Variants in MON2 observed in about 807,000 individuals in gnomAD.
The protein encoded by MON2 is protein MON2 homolog.
MON2 carries 84 observed loss-of-function variants against 208.6 expected under a neutral mutation model. That is an observed-to-expected ratio of 0.40 (90% CI 0.34 to 0.48). MON2 has a LOEUF of 0.48. Ranked by LOEUF, MON2 falls within the 20% of genes least tolerant of loss-of-function variation. The pLI is 0.59. For synonymous variants in MON2, 660 were observed against 694.0 expected (o/e 0.95, Z 0.77); for missense variants, 1,611 against 2,015.4 (o/e 0.80, Z 3.84).
intron 2 of MON2, among the ~76,000 whole-genome samples, chr12:62,490,925 A>C (rs1400978289): frequency 7.8e-6 from 1 of 128,120 alleles, no homozygotes; most frequent in African/African-American, 3.0e-5. Context: ...GACTCACCTT[A>C]TTTTGTTGAT....
Position 62,493,994 on chromosome 12 carries a change from A to G in MON2, c.255A>G (p.Leu85=). ...CCAAGGAACCGAAGATCACTCAGCT[A>G]TGTTTGGCTGCTATTCAGAGACTCA... is the stretch of plus-strand genomic sequence containing the variant. ...CGTKEPKITQ[L]CLAAIQRLMS... is the part of the protein sequence containing the mutation. The change falls in exon 3 of 35, where the codon CTA becomes CTG. Residue 85 remains leucine (L), a synonymous_variant. Transcript: ENST00000393630. The G allele has an allele frequency of 5.6e-6, 9 of 1,613,264 alleles. No individual in the cohort carries two copies. Among genetic ancestry groups the G allele is most frequent in the Middle Eastern group, 3.3e-4 (2 of 6,058 alleles).
intron 23 of MON2, among the ~76,000 whole-genome samples, chr12:62,551,210 C>G (rs766042354): frequency 1.3e-5 from 2 of 152,164 alleles, no homozygotes; most frequent in Non-Finnish European, 2.9e-5. Flanking sequence ...TTCGACATGC[C>G]TTCCTCACTA....
chr12:62,523,057 A>G (rs1449435348), intron 8 of MON2, among the ~76,000 whole-genome samples: 1 of 152,158 alleles, frequency 6.6e-6, no homozygotes, highest in East Asian at 1.9e-4. Context: ...TGAACCTTAA[A>G]TTCATTCACA....
intron 34 of MON2, among the ~76,000 whole-genome samples, chr12:62,591,009 A>C (rs1034565000): frequency 6.6e-6 from 1 of 152,242 alleles, no homozygotes; most frequent in African/African-American, 2.4e-5. Flanking sequence ...TTAAGATGTC[A>C]TCATAACATA....
chr12:62,539,768 G>C (rs1442552262), intron 19 of MON2, among the ~76,000 whole-genome samples: 2 of 151,970 alleles, frequency 1.3e-5, no homozygotes, highest in Non-Finnish European at 1.5e-5. Flanking sequence ...TGTAATCCCA[G>C]CACTGCAGGA....
At chr12:62,510,335 A>T (rs1465014706) in intron 8 of MON2, among the ~76,000 whole-genome samples, 1 of 151,060 alleles carries the variant, frequency 6.6e-6, no homozygotes, top group Non-Finnish European at 1.5e-5. Context: ...TACTACAAGG[A>T]AAAAAAAACA....
intron 8 of MON2, 171 bp downstream of exon 8, chr12:62,508,651 C>T: frequency 1.7e-6 from 1 of 591,132 alleles, no homozygotes; most frequent in Non-Finnish European, 3.0e-6. Flanking sequence ...TTTCTTGAAT[C>T]TTGCTTATGT....
rs557195051 is a variant in MON2, at chr12:62,503,944, T to C, written c.789+2246T>C. 7.9e-5 allele frequency among the ~76,000 whole-genome samples: 12 copies of C among 151,684 alleles called. 1 individual carries two copies. In the South Asian group the frequency reaches 2.1e-3, roughly 26 times the overall value. On this transcript the variant is annotated intron_variant, in intron 7 of 34. Transcript: ENST00000393630. ...TCTCTCTTTTTCTTTGTAGCACTTA[T>C]CACCTCCTGCCTGACACACACACAC...
intron 7 of MON2, among the ~76,000 whole-genome samples, chr12:62,504,230 T>TTTTTC: frequency 6.8e-6 from 1 of 147,174 alleles, no homozygotes; most frequent in East Asian, 2.0e-4. Flanking sequence ...TTTACAGATT[T>TTTTTC]TTTTCTTTTC....
chr12:62,506,836 G>A (rs1326940069), intron 7 of MON2, among the ~76,000 whole-genome samples: 1 of 152,084 alleles, frequency 6.6e-6, no homozygotes, highest in African/African-American at 2.4e-5. Context: ...AATGATTTTT[G>A]TGATATTTTC....
At chr12:62,550,909 C>CTT (rs869160726) in intron 23 of MON2, among the ~76,000 whole-genome samples, 37 of 43,802 alleles carry the variant, frequency 8.4e-4, no homozygotes, top group African/African-American at 1.5e-3. Flanking sequence ...TTCTTTCTTT[C>CTT]TTTTTTTTTT....
rs2073957033 is a variant in MON2 at position 62,556,105 on chromosome 12, G to A, written c.3322G>A (p.Glu1108Lys). ...ILIHHSRDTA[E>K]KQWAETWVLT... ...CATTCATCATTCAAGGGACACCGCCGAGAAGCAATGGGCTGAGACGTGGGT... is the reference window on the plus strand; with the variant it reads ...CATTCATCATTCAAGGGACACCGCCAAGAAGCAATGGGCTGAGACGTGGGT... The change falls in exon 25 of 35, where the codon GAG (glutamate) becomes AAG (lysine). Residue 1108 changes from glutamate (E) to lysine (K), a missense_variant. Transcript: ENST00000393630. 1.9e-6 allele frequency: 3 copies of A among 1,613,932 alleles called. No individual in the cohort carries two copies. The highest frequency in any genetic ancestry group is 2.2e-5 in the East Asian group (1 of 44,882).
chr12:62,488,420 G>A (rs1051620181), intron 2 of MON2, among the ~76,000 whole-genome samples: 2 of 152,078 alleles, frequency 1.3e-5, no homozygotes, highest in African/African-American at 2.4e-5. Flanking sequence ...TGGTGTATTC[G>A]GATACACTAT....
At chr12:62,513,475 C>G (rs1204489056) in intron 8 of MON2, among the ~76,000 whole-genome samples, 1 of 152,014 alleles carries the variant, frequency 6.6e-6, no homozygotes, top group Non-Finnish European at 1.5e-5. Context: ...ACCCACCCGC[C>G]TCGGCCTCCC....
chr12:62,592,552 C>T, intron 34 of MON2, 34 bp from the exon 35 acceptor site: 1 of 1,524,554 alleles, frequency 6.6e-7, no homozygotes, highest in Non-Finnish European at 8.9e-7. Flanking sequence ...TATTTAATTC[C>T]ACCCTTTTGA....
At chr12:62,577,317 A>G (rs1177688054) in intron 30 of MON2, among the ~76,000 whole-genome samples, 2 of 152,076 alleles carry the variant, frequency 1.3e-5, no homozygotes, top group African/African-American at 2.4e-5. Flanking sequence ...TCTATGAGAA[A>G]TGGACTGAGT....
chr12:62,540,392 T>A (rs2073181123), intron 19 of MON2, among the ~76,000 whole-genome samples: 1 of 152,202 alleles, frequency 6.6e-6, no homozygotes, highest in East Asian at 1.9e-4. Context: ...GGTATATGTT[T>A]CTATTAAGAT....
chr12:62,555,846 T>C (rs2073947202), intron 24 of MON2, 148 bp from the exon 25 acceptor site: 1 of 611,152 alleles, frequency 1.6e-6, no homozygotes, highest in Admixed American at 3.0e-5. Context: ...ATTACTCTAT[T>C]GGTCAGTTTC....
intron 29 of MON2, among the ~76,000 whole-genome samples, chr12:62,569,653 C>A (rs2074512769): frequency 3.3e-5 from 5 of 151,994 alleles, no homozygotes; most frequent in Admixed American, 2.6e-4. Context: ...GGTCCCATAC[C>A]CACTCTTGAA....
Sources: allele counts gnomAD v4.1 joint callset (sites outside exome capture counted in the v4.1 genomes callset), GRCh38; gene constraint gnomAD v4.1.1; transcripts MANE v1.5; gene names NCBI Gene and HGNC (gene_info 2026-07-23, HGNC 2026-07-21).